HDAC8: variants seen among roughly 807,000 people sequenced by gnomAD.
HDAC8 encodes histone deacetylase-like 1.
In HDAC8, 1 loss-of-function variant was observed where a neutral mutation model predicts 32.2. That is an observed-to-expected ratio of 0.03 (90% CI 0.01 to 0.15). The LOEUF (loss-of-function observed/expected upper bound fraction) is 0.15. HDAC8 is among the 10% of genes least tolerant of loss of function. The pLI, the probability that HDAC8 is intolerant of heterozygous loss-of-function variation, is 1.00. For synonymous variants in HDAC8, 108 were observed against 113.9 expected (o/e 0.95, Z 0.33); for missense variants, 117 against 300.0 (o/e 0.39, Z 4.51).
chrX:72,508,156 A>G (rs1391534188), intron 4 of HDAC8, among the ~76,000 whole-genome samples: 1 of 112,392 alleles, frequency 8.9e-6, no homozygotes, highest in Admixed American at 9.4e-5. Context: ...ATTTGGACCT[A>G]AGACTTGCTC....
intron 4 of HDAC8, among the ~76,000 whole-genome samples, chrX:72,522,930 C>T (rs782321266): frequency 3.6e-5 from 4 of 112,094 alleles, no homozygotes; most frequent in Admixed American, 1.9e-4. Context: ...ACACTTTCCA[C>T]GTCAATAAGT....
intron 7 of HDAC8, among the ~76,000 whole-genome samples, chrX:72,477,165 C>T (rs895352855): frequency 6.3e-5 from 7 of 111,598 alleles, no homozygotes; most frequent in East Asian, 2.8e-4. Context: ...CCCTGGATAG[C>T]GATGCCCTTG....
intron 4 of HDAC8, among the ~76,000 whole-genome samples, chrX:72,524,291 C>T (rs782604310): frequency 1.2e-4 from 13 of 112,018 alleles, no homozygotes; most frequent in Non-Finnish European, 2.3e-4. Flanking sequence ...TCAGTCTTAT[C>T]ACACTCAAAA....
At chrX:72,383,059 T>C (rs1367601154) in intron 9 of HDAC8, among the ~76,000 whole-genome samples, 1 of 111,986 alleles carries the variant, frequency 8.9e-6, no homozygotes, top group Non-Finnish European at 1.9e-5. Flanking sequence ...AGGAAAGCTA[T>C]AGGATCAGAA....
intron 9 of HDAC8, among the ~76,000 whole-genome samples, chrX:72,364,378 T>C (rs1292209803): frequency 9.0e-6 from 1 of 111,704 alleles, no homozygotes; most frequent in Non-Finnish European, 1.9e-5. Flanking sequence ...ATCACGCCTA[T>C]GTGGAGATCC....
At chrX:72,571,957 T>A (rs1027449458) in intron 2 of HDAC8, 100 bp downstream of exon 2, 5 of 679,261 alleles carry the variant, frequency 7.4e-6, no homozygotes, top group Middle Eastern at 3.1e-4. Context: ...GCTAAAATAA[T>A]TTTTTCAAAA....
At chrX:72,483,314 A>C (rs1315368086) in intron 7 of HDAC8, among the ~76,000 whole-genome samples, 1 of 111,473 alleles carries the variant, frequency 9.0e-6, no homozygotes, top group Non-Finnish European at 1.9e-5. Flanking sequence ...AGGGTCTTGG[A>C]GGTGGATCCT....
intron 4 of HDAC8, among the ~76,000 whole-genome samples, chrX:72,529,953 C>G (rs1569375203): frequency 1.8e-5 from 2 of 111,953 alleles, no homozygotes. Flanking sequence ...TCCATGGTAA[C>G]ATGTGCTTTC....
chrX:72,354,070 C>G (rs1167595236), intron 9 of HDAC8, among the ~76,000 whole-genome samples: 1 of 112,162 alleles, frequency 8.9e-6, no homozygotes, highest in Admixed American at 9.5e-5. Context: ...TCAGCTGGGA[C>G]CAGGACTGGC....
At chrX:72,480,518 C>A (rs2048465411) in intron 7 of HDAC8, 4 of 291,959 alleles carry the variant, frequency 1.4e-5, no homozygotes, top group Non-Finnish European at 2.0e-5. Flanking sequence ...CAAGGATCTA[C>A]CAGAAATACC....
chrX:72,505,397 A>G (rs984401419), intron 4 of HDAC8, among the ~76,000 whole-genome samples: 15 of 111,903 alleles, frequency 1.3e-4, no homozygotes, highest in Admixed American at 8.5e-4. Flanking sequence ...TGCCTCATCT[A>G]TGGCACACCA....
chrX:72,453,606 T>C (rs1424849463), intron 9 of HDAC8, among the ~76,000 whole-genome samples: 4 of 111,374 alleles, frequency 3.6e-5, no homozygotes, highest in African/African-American at 1.3e-4. Context: ...GCTGGAGTCT[T>C]AGAAGTAGAA....
chrX:72,537,483 T>C (rs1249323466), intron 4 of HDAC8, among the ~76,000 whole-genome samples: 1 of 112,419 alleles, frequency 8.9e-6, no homozygotes, highest in Non-Finnish European at 1.9e-5. Context: ...TGCTATTATT[T>C]ATTATTAAGC....
chrX:72,376,096 A>G (rs1555957969), intron 9 of HDAC8, among the ~76,000 whole-genome samples: 3 of 108,583 alleles, frequency 2.8e-5, no homozygotes, highest in South Asian at 3.9e-4. Context: ...TTTTTTTGAG[A>G]CGAGGTCTCA....
chrX:72,349,343 A>G (rs1555948004), intron 10 of HDAC8, among the ~76,000 whole-genome samples: 1 of 112,497 alleles, frequency 8.9e-6, no homozygotes, highest in Admixed American at 9.4e-5. Context: ...TGAGGTCGAT[A>G]CTGCATTAGC....
chrX:72,412,221 G>T (rs2046215828), intron 9 of HDAC8, among the ~76,000 whole-genome samples: 1 of 111,675 alleles, frequency 9.0e-6, no homozygotes, highest in African/African-American at 3.3e-5. Flanking sequence ...CGATTTTTGA[G>T]GTAACATGTT....
chrX:72,355,704 T>G (rs1429152882), intron 9 of HDAC8, among the ~76,000 whole-genome samples: 1 of 112,050 alleles, frequency 8.9e-6, no homozygotes, highest in Non-Finnish European at 1.9e-5. Context: ...CTCCAGGTCT[T>G]ACTCACACAG....
At chrX:72,355,328 G>A (rs997440275) in intron 9 of HDAC8, among the ~76,000 whole-genome samples, 5 of 112,333 alleles carry the variant, frequency 4.5e-5, no homozygotes, top group African/African-American at 1.3e-4. Flanking sequence ...GACAGGTGGA[G>A]CAGGGGATGA....
intron 9 of HDAC8, among the ~76,000 whole-genome samples, chrX:72,369,025 G>T (rs1325739970): frequency 3.6e-5 from 4 of 111,458 alleles, no homozygotes; most frequent in Non-Finnish European, 7.5e-5. Context: ...GTACCAGTGA[G>T]GCAAGGTGTA....
Sources: allele counts gnomAD v4.1 joint callset (sites outside exome capture counted in the v4.1 genomes callset), GRCh38; gene constraint gnomAD v4.1.1; transcripts MANE v1.5; gene names NCBI Gene and HGNC (gene_info 2026-07-23, HGNC 2026-07-21).